Variants in EP400 observed in about 807,000 individuals in gnomAD.
EP400 encodes E1A binding protein p400.
EP400 carries 105 observed loss-of-function variants against 354.1 expected under a neutral mutation model. The observed-to-expected ratio is 0.30, with a 90% CI of 0.25 to 0.35. The LOEUF is 0.35. Ranked by LOEUF, EP400 falls within the 10% of genes least tolerant of loss-of-function variation. EP400 has a pLI of 1.00. For missense variants in EP400, 3,280 were observed against 4,121.0 expected (o/e 0.80, Z 5.59); for synonymous variants, 1,646 against 1,716.9 (o/e 0.96, Z 1.02).
intron 4 of EP400, 106 bp from the exon 5 acceptor site, chr12:131,981,987 G>A: frequency 7.2e-7 from 1 of 1,386,458 alleles, no homozygotes; most frequent in Non-Finnish European, 9.6e-7. Context: ...TGAGTGTGGT[G>A]GGTCTTGGAC....
rs777299510 is a variant in EP400, at chr12:132,066,873, G to A, written c.8653G>A (p.Val2885Ile). Residue 2885 changes from valine (V) to isoleucine (I), a missense_variant, in exon 49 of 53, where the codon GTC becomes ATC. Around this residue, in one of 20 missense-constraint regions of EP400, gnomAD observed 279 missense variants for 386.7 expected, o/e 0.72. Coordinates refer to ENST00000389561, the MANE Select transcript of EP400 (RefSeq NM_015409.5). ...VALAKPPVVS[V>I]PAAVVSSPGV... Reference sequence around the variant, plus strand: ...CTTGGCGAAGCCTCCGGTGGTGTCCGTCCCGGCAGCTGTGGTCTCCTCACC... The same window carrying A: ...CTTGGCGAAGCCTCCGGTGGTGTCCATCCCGGCAGCTGTGGTCTCCTCACC... The A allele has an allele frequency of 5.0e-6, 8 of 1,613,746 alleles. No individual in the cohort carries two copies. Among genetic ancestry groups the A allele is most frequent in the East Asian group, 4.5e-5 (2 of 44,852 alleles).
chr12:131,994,540 C>T lies in EP400; in HGVS notation c.2738-327C>T, dbSNP rs567983183. Among the ~76,000 whole-genome samples, 8 of 152,120 alleles carry T rather than the reference C, an allele frequency of 5.3e-5. No homozygotes were observed. The South Asian group carries it at 8.3e-4, about 16-fold the overall frequency. On this transcript the variant is annotated intron_variant, in intron 11 of 52. Coordinates refer to ENST00000389561, the MANE Select transcript of EP400 (RefSeq NM_015409.5). The surrounding 1 kb of genome is among the most constrained non-coding windows in gnomAD (Gnocchi z 4.6). ...CGTGAGATGGGCGATGATGACTTCA[C>T]GGTGATCCCAGATGGCATGCCTGTG...
intron 2 of EP400, among the ~76,000 whole-genome samples, chr12:131,971,799 T>G (rs867029215): frequency 6.6e-6 from 1 of 152,178 alleles, no homozygotes; most frequent in African/African-American, 2.4e-5. Context: ...TGCTTTAAAT[T>G]GTATGTATGT....
At chr12:132,000,723 CTA>C (rs1893379910) in intron 12 of EP400, among the ~76,000 whole-genome samples, 1 of 152,092 alleles carries the variant, frequency 6.6e-6, no homozygotes, top group South Asian at 2.1e-4. Flanking sequence ...CATCTGTGTT[CTA>C]TTTTATGAAT....
chr12:132,044,344 C>CA, intron 35 of EP400, 33 bp downstream of exon 35: 1 of 1,599,394 alleles, frequency 6.3e-7, no homozygotes, highest in South Asian at 1.1e-5. Flanking sequence ...GCCCTCTTGC[C>CA]CCCCTGCTGA....
intron 15 of EP400, among the ~76,000 whole-genome samples, chr12:132,009,830 AT>A (rs35513772): frequency 1.2e-3 from 93 of 79,724 alleles, no homozygotes; most frequent in African/African-American, 1.6e-3. Context: ...CGCCTGGCTA[AT>A]TTTTTTTTTT....
In EP400 at chr12:132,018,083, C is replaced by T. The variant is rs1208848502; in HGVS notation, c.4111-127C>T. The T allele has an allele frequency of 1.2e-5, 14 of 1,164,556 alleles. No homozygotes were observed. Among genetic ancestry groups the T allele is most frequent in the East Asian group, 2.5e-5 (1 of 40,530 alleles). The allele number at this position is 1,164,556 out of a possible 1,614,324, so 72.1% of individuals were successfully genotyped here. A position where few individuals can be genotyped will look rare whatever the true frequency, so the allele number is the denominator to read the frequency against. The stretch of plus-strand genomic sequence containing the variant: ...TTGGCACGGAGGAGGGTCTGCTTGC[C>T]GAGTGGCCGTTAGAGGGGGCGCGTC... On this transcript the variant is annotated intron_variant, in intron 20 of 52. Coordinates refer to ENST00000389561, the MANE Select transcript of EP400 (RefSeq NM_015409.5). This position sits in a 1 kb window ranked among gnomAD's most constrained non-coding sequence, Gnocchi z 4.0.
intron 19 of EP400, among the ~76,000 whole-genome samples, chr12:132,016,410 C>G (rs1457126210): frequency 6.6e-6 from 1 of 152,106 alleles, no homozygotes; most frequent in African/African-American, 2.4e-5. Flanking sequence ...CTCTTGTCAC[C>G]TAGGCTGGAG....
chr12:132,028,068 A>G lies in EP400; in HGVS notation c.5161A>G (p.Asn1721Asp). The stretch of plus-strand genomic sequence containing the variant: ...GCGCCTGGATCAGATTTATTTAGTC[A>G]ACGAGCGGCGCTGTTCTCAAGCTCC... Reference protein sequence around the residue: ...KERLDQIYLVNERRCSQAPVY... With the variant: ...KERLDQIYLVDERRCSQAPVY... The change falls in exon 27 of 53, where the codon AAC (asparagine) becomes GAC (aspartate). Residue 1721 changes from asparagine (N) to aspartate (D), a missense_variant. Coordinates refer to ENST00000389561, the MANE Select transcript of EP400 (RefSeq NM_015409.5). 6.2e-7 allele frequency: 1 copy of G among 1,614,202 alleles called. No homozygotes were observed. The highest frequency in any genetic ancestry group is 8.5e-7 in the Non-Finnish European group (1 of 1,180,026).
intron 2 of EP400, among the ~76,000 whole-genome samples, chr12:131,977,291 C>T (rs796200104): frequency 6.6e-6 from 1 of 151,752 alleles, no homozygotes; most frequent in East Asian, 1.9e-4. Context: ...CACCCGTCAC[C>T]GCGTCTGACT....
intron 37 of EP400, 74 bp downstream of exon 37, chr12:132,045,027 T>G: frequency 7.4e-7 from 1 of 1,347,190 alleles, no homozygotes; most frequent in Admixed American, 3.1e-5. Context: ...AGCCACTTTC[T>G]GCTGTCTGCC....
chr12:132,060,640 G>A (rs1224019811), intron 45 of EP400, among the ~76,000 whole-genome samples: 11 of 152,172 alleles, frequency 7.2e-5, no homozygotes, highest in South Asian at 2.1e-4. Context: ...AAGGGAGGCC[G>A]GGTGTGGTGG....
chr12:132,076,260 G>T (rs2136627179), intron 51 of EP400: 1,344 of 452,914 alleles, frequency 3.0e-3, no homozygotes, highest in East Asian at 4.4e-3. Flanking sequence ...AAGAAAAAAT[G>T]TGTCTGAAAT....
chr12:132,071,161 T>C (rs1266502154), intron 51 of EP400, among the ~76,000 whole-genome samples: 1 of 152,218 alleles, frequency 6.6e-6, no homozygotes, highest in Non-Finnish European at 1.5e-5. Context: ...TTTTCTACTT[T>C]GCTTGAAGTT....
In EP400 at chr12:132,055,106, G is replaced by A. The variant is rs774470432; in HGVS notation, c.7782G>A (p.Val2594=). 1 of 1,613,764 alleles carries A rather than the reference G, an allele frequency of 6.2e-7. No individual in the cohort carries two copies. The highest frequency in any genetic ancestry group is 8.5e-7 in the Non-Finnish European group (1 of 1,179,826). Residue 2594 remains valine (V), a synonymous_variant, in exon 45 of 53, where the codon GTG becomes GTA. Transcript: ENST00000389561. The stretch of plus-strand genomic sequence containing the variant: ...GCCCGCCTGTCTCCGCAGGTGCCGT[G>A]AGTGGAAATGTGATCGTGAACACCA... The part of the protein sequence containing the change: ...VTGTSMPTGA[V]SGNVIVNTIA...
At chr12:131,964,456 G>T (rs143873679) in intron 2 of EP400, among the ~76,000 whole-genome samples, 347 of 152,258 alleles carry the variant, frequency 2.3e-3, no homozygotes, top group African/African-American at 7.4e-3. Context: ...AGTAGAGCAG[G>T]ACTCCGTCTC....
At chr12:132,046,041 G>GC in intron 39 of EP400, 141 bp downstream of exon 39, 1 of 1,086,732 alleles carries the variant, frequency 9.2e-7, no homozygotes, top group Non-Finnish European at 1.3e-6. Flanking sequence ...ATCTCCTTGG[G>GC]CTCCTGGTGG....
At chr12:131,980,714 T>C (rs1892652595) in intron 3 of EP400, among the ~76,000 whole-genome samples, 1 of 152,208 alleles carries the variant, frequency 6.6e-6, no homozygotes, top group Non-Finnish European at 1.5e-5. Context: ...CCCAGCTAAA[T>C]GCAAAAATTG....
rs7133434 is a variant in EP400 at position 132,070,902 on chromosome 12, C to T, written c.9021+1261C>T. Among the ~76,000 whole-genome samples the T allele has an allele frequency of 0.014, 2,114 of 152,108 alleles. 57 individuals are homozygous for T. The highest frequency in any genetic ancestry group is 0.048 in the African/African-American group (2,003 of 41,456). On this transcript the variant is annotated intron_variant, in intron 51 of 52. Coordinates refer to ENST00000389561, the MANE Select transcript of EP400 (RefSeq NM_015409.5). The surrounding 1 kb of genome is among the most constrained non-coding windows in gnomAD (Gnocchi z 4.1). ...TTGTACATTAGTTTTTTATTCTGGCCGCCTTGCTAGATTCTGGTTATTTGA... is the reference window on the plus strand; with the variant it reads ...TTGTACATTAGTTTTTTATTCTGGCTGCCTTGCTAGATTCTGGTTATTTGA...
Sources: allele counts gnomAD v4.1 joint callset (sites outside exome capture counted in the v4.1 genomes callset), GRCh38; gene constraint gnomAD v4.1.1; regional missense constraint gnomAD v4.1.1; non-coding constraint Gnocchi (gnomAD v3.1); transcripts MANE v1.5; gene names NCBI Gene and HGNC (gene_info 2026-07-23, HGNC 2026-07-21).